GNAZ: variants seen among roughly 807,000 people sequenced by gnomAD.
GNAZ encodes the protein guanine nucleotide-binding protein G(z) subunit alpha.
GNAZ carries 3 observed loss-of-function variants against 25.4 expected under a neutral mutation model. The observed-to-expected ratio is 0.12, with a 90% CI of 0.05 to 0.30. The LOEUF is 0.30. GNAZ is among the 10% of genes least tolerant of loss of function. The probability of loss-of-function intolerance (pLI) is 1.00; values close to 1 mark genes in which losing one functional copy is unlikely to be tolerated. For synonymous variants in GNAZ, 211 were observed against 205.7 expected (o/e 1.03, Z -0.22); for missense variants, 241 against 501.8 (o/e 0.48, Z 4.97).
chr22:23,103,751 C>T (rs1327633671), intron 2 of GNAZ, among the ~76,000 whole-genome samples: 1 of 152,234 alleles, frequency 6.6e-6, no homozygotes, highest in Non-Finnish European at 1.5e-5. Flanking sequence ...TGTGTGGGCC[C>T]TGGGCCTGAC....
intron 2 of GNAZ, among the ~76,000 whole-genome samples, chr22:23,098,527 G>C (rs2069192215): frequency 6.6e-6 from 1 of 152,248 alleles, no homozygotes; most frequent in African/African-American, 2.4e-5. Context: ...ATCCCTGTGA[G>C]GTTCCAGGCA....
intron 1 of GNAZ, among the ~76,000 whole-genome samples, chr22:23,072,422 A>G (rs1299919208): frequency 6.6e-6 from 1 of 152,040 alleles, no homozygotes; most frequent in Non-Finnish European, 1.5e-5. Flanking sequence ...TGTTCCTCTA[A>G]CTGACGTTGA....
Position 23,123,189 on chromosome 22 carries a change from G to C in GNAZ, c.826G>C (p.Ala276Pro). The change falls in exon 3 of 3, where the codon GCA (alanine) becomes CCA (proline). Residue 276 changes from alanine (A) to proline (P), a missense_variant. Transcript: ENST00000615612. ...CTTCCTGAACAAGAAGGACCTGCTG[G>C]CAGAGAAGATCCGCCGCATCCCGCT... ...ILFLNKKDLL[A>P]EKIRRIPLTI... The C allele has an allele frequency of 6.2e-7, 1 of 1,613,900 alleles. No individual in the cohort carries two copies. The highest frequency in any genetic ancestry group is 8.5e-7 in the Non-Finnish European group (1 of 1,179,822).
intron 1 of GNAZ, among the ~76,000 whole-genome samples, chr22:23,077,155 C>T (rs538977668): frequency 6.6e-6 from 1 of 152,284 alleles, no homozygotes; most frequent in Admixed American, 6.5e-5. Flanking sequence ...ACTGGTGAAC[C>T]TCACCACTGT....
intron 2 of GNAZ, among the ~76,000 whole-genome samples, chr22:23,110,537 G>A (rs1332113362): frequency 6.6e-6 from 1 of 152,220 alleles, no homozygotes. Context: ...CAGAGGGAGA[G>A]CAGGGTACCC....
chr22:23,105,715 A>C (rs2146344923), intron 2 of GNAZ, among the ~76,000 whole-genome samples: 1 of 152,318 alleles, frequency 6.6e-6, no homozygotes, highest in Admixed American at 6.5e-5. Context: ...TCCAATCTAC[A>C]ACACACCTGT....
chr22:23,098,851 G>T (rs545001979), intron 2 of GNAZ, among the ~76,000 whole-genome samples: 1 of 152,270 alleles, frequency 6.6e-6, no homozygotes, highest in African/African-American at 2.4e-5. Context: ...AGGACAGCCC[G>T]TCTCCAGCCG....
At chr22:23,090,330 T>C (rs1002875396) in intron 1 of GNAZ, among the ~76,000 whole-genome samples, 11 of 152,124 alleles carry the variant, frequency 7.2e-5, no homozygotes, top group Non-Finnish European at 1.0e-4. Context: ...CCAGGCACTG[T>C]GCACCGTACA....
At chr22:23,090,450 C>T (rs2034814722) in intron 1 of GNAZ, among the ~76,000 whole-genome samples, 1 of 152,158 alleles carries the variant, frequency 6.6e-6, no homozygotes, top group South Asian at 2.1e-4. Context: ...TCTGGTCTGG[C>T]TTCAGCGCAG....
intron 1 of GNAZ, among the ~76,000 whole-genome samples, chr22:23,087,140 C>T (rs919251195): frequency 2.0e-4 from 30 of 152,102 alleles, no homozygotes; most frequent in Admixed American, 5.2e-4. Context: ...GTAGGGACGG[C>T]GGCTCCAGAG....
rs1014736386 is a variant in GNAZ at position 23,123,894 on chromosome 22, C to A, written c.*463C>A. The A allele has an allele frequency of 1.4e-5, 3 of 213,178 alleles. No homozygotes were observed. Among genetic ancestry groups the A allele is most frequent in the African/African-American group, 4.6e-5 (2 of 43,442 alleles). The allele number at this position is 213,178 out of a possible 1,614,324, so 13.2% of individuals were successfully genotyped here. A position where few individuals can be genotyped will look rare whatever the true frequency, so the allele number is the denominator to read the frequency against. On this transcript the variant is annotated 3_prime_UTR_variant, in exon 3 of 3. Transcript: ENST00000615612. The stretch of plus-strand genomic sequence containing the variant: ...CCGAGCTCTGGCCTAGGGACCTTGC[C>A]GCTGACCAAGAGGGAGGACCAGTGC...
At chr22:23,090,001 G>A (rs1052821050) in intron 1 of GNAZ, among the ~76,000 whole-genome samples, 2 of 152,084 alleles carry the variant, frequency 1.3e-5, no homozygotes, top group East Asian at 1.9e-4. Context: ...GCCCTATGTC[G>A]CACTAAGTCC....
intron 1 of GNAZ, among the ~76,000 whole-genome samples, chr22:23,085,717 G>A (rs1315183300): frequency 2.0e-5 from 3 of 152,198 alleles, no homozygotes; most frequent in Non-Finnish European, 2.9e-5. Context: ...CAGCAGAGAG[G>A]GCCTCTGGCC....
At chr22:23,106,598 G>A (rs1342979736) in intron 2 of GNAZ, among the ~76,000 whole-genome samples, 1 of 152,204 alleles carries the variant, frequency 6.6e-6, no homozygotes, top group Non-Finnish European at 1.5e-5. Context: ...GAGGAGGTAG[G>A]GCAGTTCTGG....
At chr22:23,105,439 C>T (rs2069438763) in intron 2 of GNAZ, among the ~76,000 whole-genome samples, 1 of 152,256 alleles carries the variant, frequency 6.6e-6, no homozygotes, top group Non-Finnish European at 1.5e-5. Context: ...CATGTCCCTC[C>T]CAGGAAAGAG....
At chr22:23,111,315 G>C (rs1485525637) in intron 2 of GNAZ, among the ~76,000 whole-genome samples, 1 of 152,244 alleles carries the variant, frequency 6.6e-6, no homozygotes, top group Non-Finnish European at 1.5e-5. Flanking sequence ...TACCGAGCAG[G>C]GGGTGCGGCC....
At chr22:23,119,114 G>T (rs1315471942) in intron 2 of GNAZ, among the ~76,000 whole-genome samples, 2 of 152,236 alleles carry the variant, frequency 1.3e-5, no homozygotes, top group African/African-American at 4.8e-5. Flanking sequence ...CAAATAGACG[G>T]CTCTGTTTTC....
Position 23,071,299 on chromosome 22 carries a change from G to A in GNAZ, c.-450+729G>A, listed in dbSNP as rs1006767335. Among the ~76,000 whole-genome samples, 1 of 152,202 alleles carries A rather than the reference G, an allele frequency of 6.6e-6. No individual in the cohort carries two copies. The highest frequency in any genetic ancestry group is 1.5e-5 in the Non-Finnish European group (1 of 68,032). ...GAGGGGGCTCTGCCTTTAGGGCGGT[G>A]CTGAGCCTTCCTGGGTGATGATGGC... On this transcript the variant is annotated intron_variant, in intron 1 of 2. Coordinates refer to ENST00000615612, the MANE Select transcript of GNAZ (RefSeq NM_002073.4). The surrounding 1 kb of genome is among the most constrained non-coding windows in gnomAD (Gnocchi z 4.1).
chr22:23,098,398 G>A (rs1320645539), intron 2 of GNAZ, among the ~76,000 whole-genome samples: 1 of 152,244 alleles, frequency 6.6e-6, no homozygotes, highest in East Asian at 1.9e-4. Context: ...CCCTAGATGG[G>A]CTGGGTGGCC....
Sources: gnomAD v4.1 joint callset for allele counts (sites outside exome capture counted in the v4.1 genomes callset) on GRCh38, gnomAD v4.1.1 for gene constraint, Gnocchi (gnomAD v3.1) non-coding constraint, MANE v1.5 for transcripts, NCBI Gene and HGNC (gene_info 2026-07-23, HGNC 2026-07-21) for gene names.